NUDT3: variants seen among roughly 807,000 people sequenced by gnomAD.
The protein encoded by NUDT3 is nudix hydrolase 3, also known as diphosphoinositol polyphosphate phosphohydrolase 1.
Under a neutral mutation model 23.6 loss-of-function variants are expected in NUDT3, and 9 were observed. That is an observed-to-expected ratio of 0.38 (90% confidence interval 0.23 to 0.66). The LOEUF (loss-of-function observed/expected upper bound fraction) is 0.66. Among genes scored for constraint, NUDT3 ranks in the 30% least tolerant of loss-of-function variants. The probability of loss-of-function intolerance (pLI) is 0.52; values close to 1 mark genes in which losing one functional copy is unlikely to be tolerated. For synonymous variants in NUDT3, 86 were observed against 82.6 expected, an observed-to-expected ratio of 1.04 and a Z score of -0.22; for missense variants, 172 against 218.5, an observed-to-expected ratio of 0.79 and a Z score of 1.34.
At chr6:34,295,536 T>TAA (rs75008403) in intron 3 of NUDT3, 105 bp downstream of exon 3, 6,458 of 1,085,572 alleles carry the variant, frequency 5.9e-3, no homozygotes, top group Middle Eastern at 8.0e-3. Context: ...TAAAAATAAC[T>TAA]AAAAAAAAAA....
chr6:34,320,728 C>T (rs371453158), intron 2 of NUDT3, among the ~76,000 whole-genome samples: 2 of 152,068 alleles, frequency 1.3e-5, no homozygotes, highest in Admixed American at 1.3e-4. Flanking sequence ...CCCAGCTACT[C>T]AGGAGGCTGA....
chr6:34,319,950 C>T (rs1763915348), intron 2 of NUDT3, among the ~76,000 whole-genome samples: 1 of 152,148 alleles, frequency 6.6e-6, no homozygotes, highest in Admixed American at 6.5e-5. Flanking sequence ...ACTGTTAACT[C>T]CAAAAGGCTA....
At chr6:34,308,533 T>C (rs1418568493) in intron 2 of NUDT3, among the ~76,000 whole-genome samples, 1 of 151,758 alleles carries the variant, frequency 6.6e-6, no homozygotes, top group Non-Finnish European at 1.5e-5. Flanking sequence ...ATGTTTAATA[T>C]GTTGTCTACA....
chr6:34,290,564 T>C (rs1418823157), intron 4 of NUDT3, among the ~76,000 whole-genome samples: 1 of 151,140 alleles, frequency 6.6e-6, no homozygotes, highest in East Asian at 1.9e-4. Context: ...ATGAAAAAAA[T>C]ATGAGACATT....
intron 2 of NUDT3, among the ~76,000 whole-genome samples, chr6:34,297,731 A>AAAATATATATT (rs1554149026): frequency 3.8e-5 from 1 of 26,562 alleles, no homozygotes; most frequent in Non-Finnish European, 6.4e-5. Context: ...AAAAAAAAAA[A>AAAATATATATT]TATATATATA....
At chr6:34,368,767 T>G (rs1240269699) in intron 1 of NUDT3, among the ~76,000 whole-genome samples, 1 of 152,126 alleles carries the variant, frequency 6.6e-6, no homozygotes, top group Non-Finnish European at 1.5e-5. Context: ...GCCTCCTGAG[T>G]AGCTCAGACT....
intron 2 of NUDT3, among the ~76,000 whole-genome samples, chr6:34,300,245 G>A (rs543640122): frequency 2.0e-5 from 3 of 152,232 alleles, no homozygotes; most frequent in African/African-American, 7.2e-5. Flanking sequence ...CTACCACAAG[G>A]AATCCTGACT....
chr6:34,341,106 TA>T (rs907758727), intron 2 of NUDT3, among the ~76,000 whole-genome samples: 3 of 152,148 alleles, frequency 2.0e-5, no homozygotes, highest in African/African-American at 7.2e-5. Flanking sequence ...ACTGGGGCGA[TA>T]AAGCTTACAC....
chr6:34,297,743 ATATATATATATATATAATTTT>A (rs1364297885), intron 2 of NUDT3, among the ~76,000 whole-genome samples: 1 of 102,730 alleles, frequency 9.7e-6, no homozygotes, highest in African/African-American at 4.6e-5. Flanking sequence ...ATATATATAT[ATATATATATATATATAATTTT>A]TTTTTTTTTT....
At chr6:34,297,788 G>A (rs1481113184) in intron 2 of NUDT3, among the ~76,000 whole-genome samples, 9 of 129,432 alleles carry the variant, frequency 7.0e-5, no homozygotes, top group African/African-American at 2.3e-4. Flanking sequence ...GTAGAGACGG[G>A]GTTTCATCAT....
At chr6:34,348,715 G>A (rs1369803310) in intron 1 of NUDT3, among the ~76,000 whole-genome samples, 13 of 152,206 alleles carry the variant, frequency 8.5e-5, no homozygotes, top group African/African-American at 3.1e-4. Context: ...GGCGGAGCTT[G>A]CAGTGAGCCA....
intron 1 of NUDT3, among the ~76,000 whole-genome samples, chr6:34,380,344 G>A (rs994749106): frequency 1.3e-5 from 2 of 151,958 alleles, no homozygotes; most frequent in African/African-American, 4.8e-5. Flanking sequence ...GAGCCACAGC[G>A]CCCAGCCCTA....
intron 1 of NUDT3, among the ~76,000 whole-genome samples, chr6:34,356,936 C>G (rs1764570277): frequency 6.6e-6 from 1 of 152,074 alleles, no homozygotes; most frequent in Non-Finnish European, 1.5e-5. Context: ...CGCCACCATG[C>G]CCGGCTAATT....
Position 34,308,201 on chromosome 6 carries a change from T to A in NUDT3, c.211-12516A>T, listed in dbSNP as rs984404260. Among the ~76,000 whole-genome samples, 32 of 122,674 alleles carry A rather than the reference T, an allele frequency of 2.6e-4. 1 individual carries two copies. The highest frequency in any genetic ancestry group is 8.1e-4 in the Admixed American group (9 of 11,094). 80.5% of individuals were successfully genotyped at this position (122,674 alleles called of 152,430 possible). A position where few individuals can be genotyped will look rare whatever the true frequency, so the allele number is the denominator to read the frequency against. ...CCAGGTGCCAGGTGGCTCACACCAG[T>A]AATCCCAGCACTTAGGGAGGCGGAG... On this transcript the variant is annotated intron_variant, in intron 2 of 4. Transcript: ENST00000607016.
chr6:34,330,240 G>T (rs1764107610), intron 2 of NUDT3, among the ~76,000 whole-genome samples: 1 of 152,150 alleles, frequency 6.6e-6, no homozygotes, highest in Admixed American at 6.5e-5. Context: ...CTTCCACAAT[G>T]GTTAAACTAA....
intron 2 of NUDT3, among the ~76,000 whole-genome samples, chr6:34,298,160 G>C (rs1763544076): frequency 6.6e-6 from 1 of 151,910 alleles, no homozygotes; most frequent in African/African-American, 2.4e-5. Context: ...CCAAGAGTTC[G>C]AGACCAGCCT....
intron 2 of NUDT3, among the ~76,000 whole-genome samples, chr6:34,313,779 A>T (rs2113711700): frequency 6.6e-6 from 1 of 151,990 alleles, no homozygotes; most frequent in Admixed American, 6.5e-5. Flanking sequence ...TGGCTAACAC[A>T]GTGAAACCCT....
At position 34,306,809 on chromosome 6, in the gene NUDT3, C is replaced by T. The variant is rs1301102102; in HGVS notation, c.211-11124G>A. Among the ~76,000 whole-genome samples the T allele has an allele frequency of 4.6e-5, 7 of 152,258 alleles. No homozygotes were observed. In the East Asian group the frequency reaches 5.8e-4, roughly 13 times the overall value. On this transcript the variant is annotated intron_variant, in intron 2 of 4. Transcript: ENST00000607016. ...ACTGAGTAAAAAGATATCTTTAATT[C>T]CAGTTGTTAAAAAGTGGTTAAAAAG...
chr6:34,351,214 A>AAAAAAAAAAC (rs1764466385), intron 1 of NUDT3, among the ~76,000 whole-genome samples: 3 of 136,372 alleles, frequency 2.2e-5, no homozygotes, highest in East Asian at 4.1e-4. Flanking sequence ...AAAAAAAAAA[A>AAAAAAAAAAC]AAAAAAAAAA....
Sources: allele counts gnomAD v4.1 joint callset (sites outside exome capture counted in the v4.1 genomes callset), GRCh38; gene constraint gnomAD v4.1.1; transcripts MANE v1.5; gene names NCBI Gene and HGNC (gene_info 2026-07-23, HGNC 2026-07-21).